The following EFNA5 variants were observed in gnomAD, a reference collection of about 807,000 sequenced individuals.
EFNA5 encodes the protein ephrin A5, also known as ephrin-A5.
A neutral mutation model predicts 22.9 loss-of-function variants in EFNA5; 5 were observed. The ratio of observed to expected loss-of-function variants is 0.22; its 90% CI spans 0.11 to 0.46. The LOEUF is 0.46. EFNA5 is among the 20% of genes least tolerant of loss of function. The pLI is 0.99. For missense variants in EFNA5, 237 were observed against 293.3 expected (o/e 0.81, Z 1.40); for synonymous variants, 113 against 112.2 (o/e 1.01, Z -0.04).
rs983942250 is a variant in EFNA5, at chr5:107,431,786, T to C, written c.126-4277A>G. Among the ~76,000 whole-genome samples, 15 of 152,334 alleles carry C rather than the reference T, an allele frequency of 9.8e-5. No homozygotes were observed. In the East Asian group the frequency reaches 2.9e-3, roughly 29 times the overall value. ...ACGGATGCAACAAATATTTGCTGCA[T>C]CCAGGATCTGCTATGGGCTTTACAT... On this transcript the variant is annotated intron_variant, in intron 1 of 4. Transcript: ENST00000333274.
intron 2 of EFNA5, among the ~76,000 whole-genome samples, chr5:107,423,771 A>G (rs902016377): frequency 6.6e-6 from 1 of 152,326 alleles, no homozygotes; most frequent in Middle Eastern, 3.4e-3. Flanking sequence ...CTCAGCAATA[A>G]TCAGCAATTA....
chr5:107,440,886 T>C (rs994744554), intron 1 of EFNA5, among the ~76,000 whole-genome samples: 1 of 152,156 alleles, frequency 6.6e-6, no homozygotes, highest in South Asian at 2.1e-4. Flanking sequence ...AGCACGTCAA[T>C]TGATTTATTT....
chr5:107,392,896 G>A (rs1425576869), intron 2 of EFNA5, among the ~76,000 whole-genome samples: 1 of 152,198 alleles, frequency 6.6e-6, no homozygotes, highest in Non-Finnish European at 1.5e-5. Flanking sequence ...GCCTTGAAGA[G>A]AGGTAATTAT....
At chr5:107,557,616 G>A (rs1422214721) in intron 1 of EFNA5, among the ~76,000 whole-genome samples, 2 of 152,156 alleles carry the variant, frequency 1.3e-5, no homozygotes, top group Non-Finnish European at 2.9e-5. Context: ...ACACGCTGCC[G>A]GCTCTTATCT....
intron 1 of EFNA5, among the ~76,000 whole-genome samples, chr5:107,652,493 T>C (rs980711820): frequency 2.6e-5 from 4 of 152,212 alleles, no homozygotes; most frequent in Non-Finnish European, 5.9e-5. Flanking sequence ...AACAGTTTGA[T>C]GATTGCCTTG....
intron 1 of EFNA5, among the ~76,000 whole-genome samples, chr5:107,589,873 TTTC>T (rs1166093219): frequency 3.9e-5 from 6 of 152,222 alleles, no homozygotes; most frequent in African/African-American, 1.4e-4. Flanking sequence ...GACTTGGGTT[TTTC>T]TTCTTCTGCT....
At chr5:107,398,941 G>C (rs1368074069) in intron 2 of EFNA5, among the ~76,000 whole-genome samples, 1 of 151,394 alleles carries the variant, frequency 6.6e-6, no homozygotes, top group Non-Finnish European at 1.5e-5. Flanking sequence ...GGACACAAAA[G>C]TGAAGAGAGG....
chr5:107,642,602 C>T (rs1044287184), intron 1 of EFNA5, among the ~76,000 whole-genome samples: 2 of 152,112 alleles, frequency 1.3e-5, no homozygotes, highest in African/African-American at 4.8e-5. Context: ...ACTTAATCAC[C>T]ACTTAATTGG....
chr5:107,559,404 T>A (rs1307163410), intron 1 of EFNA5, among the ~76,000 whole-genome samples: 1 of 152,236 alleles, frequency 6.6e-6, no homozygotes, highest in Non-Finnish European at 1.5e-5. Context: ...GGATATAGTA[T>A]AGCAACAGGC....
At chr5:107,415,431 C>G (rs752622871) in intron 2 of EFNA5, among the ~76,000 whole-genome samples, 94 of 152,210 alleles carry the variant, frequency 6.2e-4, no homozygotes, top group Admixed American at 2.3e-3. Flanking sequence ...TCCAAATACT[C>G]TCCACTCCAT....
At chr5:107,420,501 C>T (rs1426550227) in intron 2 of EFNA5, among the ~76,000 whole-genome samples, 1 of 126,826 alleles carries the variant, frequency 7.9e-6, no homozygotes, top group African/African-American at 3.0e-5. Flanking sequence ...CAAAGCTACA[C>T]TTAACCAGAG....
chr5:107,417,716 A>AT (rs956532319), intron 2 of EFNA5, among the ~76,000 whole-genome samples: 2 of 152,236 alleles, frequency 1.3e-5, no homozygotes, highest in African/African-American at 2.4e-5. Context: ...GCCTAGAGAT[A>AT]TTTTTTTAGC....
chr5:107,606,538 A>AACACACACAC (rs58031827), intron 1 of EFNA5, among the ~76,000 whole-genome samples: 13 of 144,190 alleles, frequency 9.0e-5, no homozygotes, highest in African/African-American at 2.1e-4. Context: ...TTGCACGTAC[A>AACACACACAC]ACACACACAC....
At chr5:107,383,258 G>T (rs748000433) in intron 4 of EFNA5, among the ~76,000 whole-genome samples, 3 of 152,178 alleles carry the variant, frequency 2.0e-5, no homozygotes, top group Non-Finnish European at 4.4e-5. Flanking sequence ...TAGCTTAGGA[G>T]ACTAGAAAAG....
At chr5:107,637,727 T>C (rs879469253) in intron 1 of EFNA5, among the ~76,000 whole-genome samples, 9 of 148,618 alleles carry the variant, frequency 6.1e-5, no homozygotes, top group Admixed American at 1.3e-4. Context: ...ATATATAATA[T>C]ATAATTTATG....
chr5:107,563,831 C>T (rs986010629), intron 1 of EFNA5, among the ~76,000 whole-genome samples: 2 of 152,200 alleles, frequency 1.3e-5, no homozygotes, highest in African/African-American at 2.4e-5. Context: ...ACTGGGCTTT[C>T]GGTCTCCAGT....
chr5:107,519,659 C>T (rs1254026623), intron 1 of EFNA5, among the ~76,000 whole-genome samples: 1 of 152,140 alleles, frequency 6.6e-6, no homozygotes, highest in African/African-American at 2.4e-5. Context: ...GAAGCGATCC[C>T]CTTGGAAAGC....
intron 1 of EFNA5, among the ~76,000 whole-genome samples, chr5:107,608,104 C>T (rs1489985266): frequency 6.6e-6 from 1 of 152,204 alleles, no homozygotes; most frequent in Non-Finnish European, 1.5e-5. Flanking sequence ...AATGTTACAT[C>T]ACTGCTGCTG....
At chr5:107,421,989 C>T (rs1748681193) in intron 2 of EFNA5, among the ~76,000 whole-genome samples, 1 of 152,090 alleles carries the variant, frequency 6.6e-6, no homozygotes, top group Admixed American at 6.6e-5. Context: ...TGGGGTTTCT[C>T]CATGTTGGTC....
Sources: allele counts gnomAD v4.1 joint callset (sites outside exome capture counted in the v4.1 genomes callset), GRCh38; gene constraint gnomAD v4.1.1; transcripts MANE v1.5; gene names NCBI Gene and HGNC (gene_info 2026-07-23, HGNC 2026-07-21).